Variants in RNF38 observed in about 807,000 individuals in gnomAD.
RNF38 encodes the protein ring finger protein 38, also known as E3 ubiquitin-protein ligase RNF38.
In RNF38, 15 loss-of-function variants were observed where a neutral mutation model predicts 67.2. That is an observed-to-expected ratio of 0.22 (90% CI 0.15 to 0.34). The LOEUF is 0.34. Among genes scored for constraint, RNF38 ranks in the 10% least tolerant of loss-of-function variants. RNF38 has a pLI of 1.00. For missense variants in RNF38, 524 were observed against 639.9 expected (o/e 0.82, Z 1.95); for synonymous variants, 220 against 218.8 (o/e 1.01, Z -0.05).
chr9:36,376,609 C>T (rs1056331677), intron 2 of RNF38, among the ~76,000 whole-genome samples: 5 of 151,996 alleles, frequency 3.3e-5, no homozygotes, highest in Admixed American at 6.6e-5. Context: ...CTGTTTAGGC[C>T]ACTATATTTA....
chr9:36,340,990 C>G (rs1251366229), intron 11 of RNF38, among the ~76,000 whole-genome samples: 1 of 152,016 alleles, frequency 6.6e-6, no homozygotes, highest in Non-Finnish European at 1.5e-5. Context: ...TCTGGCCCAC[C>G]ATGTCTTTAT....
intron 2 of RNF38, among the ~76,000 whole-genome samples, chr9:36,407,370 G>C (rs1315642852): frequency 5.3e-5 from 8 of 152,182 alleles, no homozygotes; most frequent in Non-Finnish European, 8.8e-5. Flanking sequence ...AACCATGGTA[G>C]CTGGAATGAC....
At chr9:36,356,184 A>C in intron 6 of RNF38, 119 bp downstream of exon 6, 2 of 936,462 alleles carry the variant, frequency 2.1e-6, no homozygotes, top group Non-Finnish European at 3.2e-6. Context: ...AAACATAGTA[A>C]CTTAGGCATT....
intron 5 of RNF38, among the ~76,000 whole-genome samples, chr9:36,357,550 A>G (rs540566000): frequency 1.3e-3 from 198 of 152,332 alleles, no homozygotes; most frequent in South Asian, 1.9e-3. Flanking sequence ...TTATAAAGCT[A>G]ATTTTCTTAA....
chr9:36,485,642 C>T (rs1259101911), intron 1 of RNF38, among the ~76,000 whole-genome samples: 3 of 152,158 alleles, frequency 2.0e-5, no homozygotes, highest in African/African-American at 7.2e-5. Flanking sequence ...AAATCTAACC[C>T]ATCTTGTCTG....
chr9:36,440,266 G>A (rs1360912048), intron 1 of RNF38, among the ~76,000 whole-genome samples: 2 of 151,524 alleles, frequency 1.3e-5, no homozygotes, highest in Non-Finnish European at 2.9e-5. Flanking sequence ...AAAGTGGCAG[G>A]GCGCAGTGGC....
chr9:36,431,179 A>C (rs539588936), intron 1 of RNF38, among the ~76,000 whole-genome samples: 20 of 152,326 alleles, frequency 1.3e-4, no homozygotes, highest in Admixed American at 1.2e-3. Flanking sequence ...TCAAGGAAAC[A>C]TCTATAATCA....
chr9:36,365,496 A>G (rs1834872187), intron 4 of RNF38, among the ~76,000 whole-genome samples: 1 of 152,028 alleles, frequency 6.6e-6, no homozygotes, highest in African/African-American at 2.4e-5. Flanking sequence ...TGAAATGGAA[A>G]GGTGGAAGCT....
At chr9:36,355,949 C>T (rs531213448) in intron 6 of RNF38, among the ~76,000 whole-genome samples, 1 of 152,066 alleles carries the variant, frequency 6.6e-6, no homozygotes, top group Admixed American at 6.6e-5. Context: ...TGGATTCAAG[C>T]GATTCTCATG....
At chr9:36,456,392 A>G (rs1839596059) in intron 1 of RNF38, among the ~76,000 whole-genome samples, 2 of 152,226 alleles carry the variant, frequency 1.3e-5, no homozygotes, top group African/African-American at 4.8e-5. Context: ...TTTAACAGAA[A>G]TTATTCCAAA....
intron 4 of RNF38, among the ~76,000 whole-genome samples, chr9:36,367,800 T>C (rs1425398648): frequency 6.6e-6 from 1 of 152,266 alleles, no homozygotes; most frequent in Non-Finnish European, 1.5e-5. Context: ...TTCTATGATC[T>C]AGAATAGTTT....
At chr9:36,374,633 G>A (rs1468155588) in intron 3 of RNF38, among the ~76,000 whole-genome samples, 1 of 152,150 alleles carries the variant, frequency 6.6e-6, no homozygotes, top group Non-Finnish European at 1.5e-5. Flanking sequence ...GGGACTACAG[G>A]TGCGCACCAC....
chr9:36,448,506 T>G (rs531654554), intron 1 of RNF38, among the ~76,000 whole-genome samples: 3 of 152,324 alleles, frequency 2.0e-5, no homozygotes, highest in African/African-American at 7.2e-5. Flanking sequence ...GGTGGTATAG[T>G]ACAAATAGTC....
intron 1 of RNF38, among the ~76,000 whole-genome samples, chr9:36,437,210 C>A (rs1002974633): frequency 6.6e-6 from 1 of 152,174 alleles, no homozygotes; most frequent in Non-Finnish European, 1.5e-5. Flanking sequence ...ATCAAAGATG[C>A]CCCTCCCCAA....
intron 1 of RNF38, among the ~76,000 whole-genome samples, chr9:36,444,825 G>A (rs1391055158): frequency 1.3e-5 from 2 of 151,584 alleles, no homozygotes; most frequent in Non-Finnish European, 1.5e-5. Context: ...AATAAATAAG[G>A]GAATACCACA....
At chr9:36,454,678 G>C (rs993245732) in intron 1 of RNF38, among the ~76,000 whole-genome samples, 1 of 150,016 alleles carries the variant, frequency 6.7e-6, no homozygotes, top group African/African-American at 2.5e-5. Context: ...CGCCTCCCAG[G>C]TTCAAGTGAT....
intron 1 of RNF38, among the ~76,000 whole-genome samples, chr9:36,398,368 A>G (rs1837707473): frequency 6.6e-6 from 1 of 152,222 alleles, no homozygotes; most frequent in Non-Finnish European, 1.5e-5. Context: ...CAGAAGTTCG[A>G]GTCCAGAAGG....
chr9:36,448,770 G>A (rs1403135775), intron 1 of RNF38, among the ~76,000 whole-genome samples: 1 of 152,130 alleles, frequency 6.6e-6, no homozygotes, highest in East Asian at 1.9e-4. Flanking sequence ...TTGGGAGACA[G>A]AGGCGGGCGG....
chr9:36,456,022 G>C (rs1839586721), intron 1 of RNF38, among the ~76,000 whole-genome samples: 1 of 152,000 alleles, frequency 6.6e-6, no homozygotes, highest in Non-Finnish European at 1.5e-5. Context: ...TCTAGCATCA[G>C]AGGGAGTAAG....
Sources: allele counts gnomAD v4.1 joint callset (sites outside exome capture counted in the v4.1 genomes callset), GRCh38; gene constraint gnomAD v4.1.1; transcripts MANE v1.5; gene names NCBI Gene and HGNC (gene_info 2026-07-23, HGNC 2026-07-21).